The following AGO2 variants were observed in gnomAD, a reference collection of about 807,000 sequenced individuals.
The protein encoded by AGO2 is argonaute RISC catalytic component 2.
A neutral mutation model predicts 102.3 loss-of-function variants in AGO2; 5 were observed. That is an observed-to-expected ratio of 0.05 (90% CI 0.03 to 0.10). The LOEUF (loss-of-function observed/expected upper bound fraction) is 0.10, where lower values mean the gene tolerates loss of function less well. AGO2 is among the 10% of genes least tolerant of loss of function. The probability of loss-of-function intolerance (pLI) is 1.00; values close to 1 mark genes in which losing one functional copy is unlikely to be tolerated. For synonymous variants in AGO2, 449 were observed against 473.1 expected, an observed-to-expected ratio of 0.95 and a Z score of 0.66; for missense variants, 541 against 1,183.7, an observed-to-expected ratio of 0.46 and a Z score of 7.97.
intron 3 of AGO2, among the ~76,000 whole-genome samples, chr8:140,562,865 G>A (rs1305750144): frequency 6.6e-6 from 1 of 152,186 alleles, no homozygotes; most frequent in East Asian, 1.9e-4. Flanking sequence ...AGCCACATGT[G>A]GCAGTGGCTG....
chr8:140,534,265 A>G (rs1259152313), intron 17 of AGO2, among the ~76,000 whole-genome samples: 1 of 152,240 alleles, frequency 6.6e-6, no homozygotes, highest in East Asian at 1.9e-4. Flanking sequence ...TCACCAGAGA[A>G]GCATCCCCCG....
chr8:140,618,507 T>C (rs1377533893), intron 1 of AGO2, among the ~76,000 whole-genome samples: 3 of 148,400 alleles, frequency 2.0e-5, no homozygotes. Flanking sequence ...CTATTGTAAA[T>C]ATACAAATAT....
intron 2 of AGO2, among the ~76,000 whole-genome samples, chr8:140,578,354 A>G (rs2073498999): frequency 6.6e-6 from 1 of 152,220 alleles, no homozygotes; most frequent in Non-Finnish European, 1.5e-5. Flanking sequence ...AGCGGCATTG[A>G]GTGTGTCCAT....
chr8:140,557,160 C>T lies in AGO2; in HGVS notation c.955G>A (p.Val319Ile), dbSNP rs1370993800. The T allele has an allele frequency of 2.5e-6, 4 of 1,613,998 alleles. No homozygotes were observed. The Admixed American group carries it at 5.0e-5, about 20-fold the overall frequency. Reference sequence around the variant, plus strand: ...CATGGGAGGTGGGGGTAGCGCAGAACCAACTTGTGCCTGTCCTTGAAATAC... The same window carrying T: ...CATGGGAGGTGGGGGTAGCGCAGAATCAACTTGTGCCTGTCCTTGAAATAC... ...AQYFKDRHKL[V>I]LRYPHLPCLQ... Residue 319 changes from valine (V) to isoleucine (I), a missense_variant, in exon 8 of 19, where the codon GTT becomes ATT. Around this residue, in one of 6 missense-constraint regions of AGO2, gnomAD observed 38 missense variants for 68.1 expected, o/e 0.56. Transcript: ENST00000220592. This position sits in a 1 kb window ranked among gnomAD's most constrained non-coding sequence, Gnocchi z 5.9.
intron 1 of AGO2, among the ~76,000 whole-genome samples, chr8:140,590,092 C>T (rs1361208523): frequency 6.6e-6 from 1 of 152,214 alleles, no homozygotes; most frequent in African/African-American, 2.4e-5. Flanking sequence ...ATGCCAGGCC[C>T]GGGCCACCAA....
chr8:140,620,321 C>G (rs568969801), intron 1 of AGO2, among the ~76,000 whole-genome samples: 4 of 152,142 alleles, frequency 2.6e-5, no homozygotes, highest in African/African-American at 9.7e-5. Flanking sequence ...TACGATCAGA[C>G]GAGATGATGG....
At chr8:140,624,077 C>T (rs185596256) in intron 1 of AGO2, among the ~76,000 whole-genome samples, 4 of 152,046 alleles carry the variant, frequency 2.6e-5, no homozygotes, top group Admixed American at 2.6e-4. Flanking sequence ...CGCGATGGAC[C>T]GTCCCCTCCT....
At position 140,589,390 on chromosome 8, in the gene AGO2, C is replaced by T. The variant is rs531687469; in HGVS notation, c.23-4079G>A. ...GGCCCGGGTCAGCACCCATAGGCTG[C>T]GCAGCTGCCACCTGAGCTTGGGTGG... On this transcript the variant is annotated intron_variant, in intron 1 of 18. Coordinates refer to ENST00000220592, the MANE Select transcript of AGO2 (RefSeq NM_012154.5). This position sits in a 1 kb window ranked among gnomAD's most constrained non-coding sequence, Gnocchi z 4.2. Among the ~76,000 whole-genome samples, 143 of 152,174 alleles carry T rather than the reference C, an allele frequency of 9.4e-4. No individual in the cohort carries two copies. Among genetic ancestry groups the T allele is most frequent in the African/African-American group, 3.3e-3 (136 of 41,526 alleles).
intron 17 of AGO2, 66 bp from the exon 18 acceptor site, chr8:140,532,681 A>C: frequency 6.7e-7 from 1 of 1,484,188 alleles, no homozygotes; most frequent in South Asian, 1.2e-5. Context: ...ACTGTGGAGA[A>C]GATTTATATT....
chr8:140,602,384 T>C (rs993518633), intron 1 of AGO2, among the ~76,000 whole-genome samples: 8 of 152,226 alleles, frequency 5.3e-5, no homozygotes, highest in African/African-American at 1.9e-4. Flanking sequence ...GCATTTCGAC[T>C]CAGCATTTCC....
intron 3 of AGO2, among the ~76,000 whole-genome samples, chr8:140,563,876 G>A (rs75885567): frequency 0.13 from 19,688 of 152,126 alleles, 1,659 homozygotes; most frequent in East Asian, 0.24. Flanking sequence ...GCTCATCCTT[G>A]TCGCCCAGGG....
At chr8:140,536,929 C>A (rs1167999413) in intron 16 of AGO2, among the ~76,000 whole-genome samples, 1 of 152,198 alleles carries the variant, frequency 6.6e-6, no homozygotes, top group Non-Finnish European at 1.5e-5. Flanking sequence ...GGCCCTCTTT[C>A]TTGTTGTACA....
At chr8:140,576,092 C>G (rs1379229960) in intron 2 of AGO2, among the ~76,000 whole-genome samples, 1 of 152,160 alleles carries the variant, frequency 6.6e-6, no homozygotes, top group African/African-American at 2.4e-5. Context: ...GCAGGCGGAT[C>G]ACTTGGGATC....
At position 140,540,038 on chromosome 8, in the gene AGO2, C is replaced by A. The variant is rs550139277; in HGVS notation, c.2035-584G>T. Among the ~76,000 whole-genome samples, 1 of 152,022 alleles carries A rather than the reference C, an allele frequency of 6.6e-6. No individual in the cohort carries two copies. The highest frequency in any genetic ancestry group is 1.5e-5 in the Non-Finnish European group (1 of 67,986). On this transcript the variant is annotated intron_variant, in intron 15 of 18. Transcript: ENST00000220592. This position sits in a 1 kb window ranked among gnomAD's most constrained non-coding sequence, Gnocchi z 5.0. ...CCGGGAGGTGGAGGTTGCAGTGAGCCGAGATCCTGCCACTGCACTCCAGAC... is the reference window on the plus strand; with the variant it reads ...CCGGGAGGTGGAGGTTGCAGTGAGCAGAGATCCTGCCACTGCACTCCAGAC...
chr8:140,576,460 T>C (rs973379769), intron 2 of AGO2, among the ~76,000 whole-genome samples: 11 of 152,200 alleles, frequency 7.2e-5, no homozygotes, highest in Admixed American at 3.3e-4. Flanking sequence ...ATAATCCAAC[T>C]TCAATGAGCA....
chr8:140,547,251 C>A (rs541870028), intron 13 of AGO2, among the ~76,000 whole-genome samples: 1 of 152,230 alleles, frequency 6.6e-6, no homozygotes, highest in African/African-American at 2.4e-5. Context: ...TCTGGAAACC[C>A]GGCCACAGTG....
intron 1 of AGO2, among the ~76,000 whole-genome samples, chr8:140,612,376 T>C (rs941119218): frequency 6.6e-6 from 1 of 152,196 alleles, no homozygotes; most frequent in Non-Finnish European, 1.5e-5. Flanking sequence ...TCCAAATGCC[T>C]GGTGCATGAT....
intron 13 of AGO2, 72 bp from the exon 14 acceptor site, chr8:140,544,375 T>G: frequency 3.1e-6 from 4 of 1,306,728 alleles, no homozygotes; most frequent in Non-Finnish European, 4.2e-6. Flanking sequence ...GGTGCCACCA[T>G]CACCTTTTGG....
intron 2 of AGO2, among the ~76,000 whole-genome samples, chr8:140,580,072 T>A (rs944977505): frequency 1.3e-5 from 2 of 152,218 alleles, no homozygotes; most frequent in African/African-American, 2.4e-5. Flanking sequence ...CCCACGTGAC[T>A]TCAGCAAGGC....
Sources: gnomAD v4.1 joint callset for allele counts (sites outside exome capture counted in the v4.1 genomes callset) on GRCh38, gnomAD v4.1.1 for gene constraint, gnomAD v4.1.1 regional missense constraint, Gnocchi (gnomAD v3.1) non-coding constraint, MANE v1.5 for transcripts, NCBI Gene and HGNC (gene_info 2026-07-23, HGNC 2026-07-21) for gene names.